LYRM4: variants seen among roughly 807,000 people sequenced by gnomAD.
The protein encoded by LYRM4 is LYR motif containing 4, also known as LYR motif-containing protein 4.
Under a neutral mutation model 11.7 loss-of-function variants are expected in LYRM4, and 9 were observed. That is an observed-to-expected ratio of 0.77 (90% CI 0.46 to 1.34). The LOEUF (loss-of-function observed/expected upper bound fraction) is 1.34. LYRM4 is among the 40% of genes most tolerant of loss of function. The probability of loss-of-function intolerance (pLI) is 0.00; values close to 1 mark genes in which losing one functional copy is unlikely to be tolerated. For missense variants in LYRM4, 133 were observed against 112.5 expected (o/e 1.18, Z -0.82); for synonymous variants, 42 against 40.4 (o/e 1.04, Z -0.15).
the LYRM4 span, among the ~76,000 whole-genome samples, chr6:5,036,852 C>T: frequency 1.3e-5 from 2 of 152,148 alleles, no homozygotes; most frequent in Non-Finnish European, 2.9e-5. Flanking sequence ...CAAGTTATAC[C>T]ACTGGGAGCT....
chr6:5,103,625 G>A (rs1325184239), downstream of LYRM4: 1 of 126,736 alleles, frequency 7.9e-6, no homozygotes, highest in Non-Finnish European at 1.6e-5. Flanking sequence ...TTCAATATCT[G>A]AGATATTTTT....
chr6:5,101,222 C>T (rs1300241087), downstream of LYRM4, among the ~76,000 whole-genome samples: 1 of 152,192 alleles, frequency 6.6e-6, no homozygotes, highest in Non-Finnish European at 1.5e-5. Flanking sequence ...CCTATTTTAT[C>T]TGTGCCTCTC....
intron 2 of LYRM4, among the ~76,000 whole-genome samples, chr6:5,198,316 T>C (rs1761189773): frequency 6.6e-6 from 1 of 152,132 alleles, no homozygotes. Flanking sequence ...GGCCTATATT[T>C]TGCATGAAAA....
Position 5,109,073 on chromosome 6 carries a change from C to T in LYRM4, c.*350G>A. The T allele has an allele frequency of 9.4e-7, 1 of 1,062,300 alleles. No individual in the cohort carries two copies. The highest frequency in any genetic ancestry group is 1.6e-5 in the African/African-American group (1 of 60,790). The allele number at this position is 1,062,300 out of a possible 1,614,324, so 65.8% of individuals were successfully genotyped here. On this transcript the variant is annotated 3_prime_UTR_variant, in exon 3 of 3. Coordinates refer to ENST00000330636, the MANE Select transcript of LYRM4 (RefSeq NM_020408.6). ...AGGGGTTTATCTGGGGTCAAAGGCT[C>T]AGGGAGATCATTCTTTTTATTGCCA...
At chr6:5,237,625 TA>T (rs1047039672) in intron 1 of LYRM4, among the ~76,000 whole-genome samples, 2 of 152,060 alleles carry the variant, frequency 1.3e-5, no homozygotes, top group Non-Finnish European at 2.9e-5. Context: ...ACCACTGGTT[TA>T]AAATGTATGA....
chr6:5,170,728 C>G (rs1759380008), intron 2 of LYRM4, among the ~76,000 whole-genome samples: 1 of 152,140 alleles, frequency 6.6e-6, no homozygotes, highest in African/African-American at 2.4e-5. Flanking sequence ...AAACACACAC[C>G]CTTTTCTCCC....
intron 2 of LYRM4, among the ~76,000 whole-genome samples, chr6:5,151,426 C>A (rs1359094676): frequency 2.6e-5 from 4 of 152,140 alleles, no homozygotes; most frequent in African/African-American, 9.7e-5. Flanking sequence ...CTGCCTGGCC[C>A]ATCTCCCTTT....
intron 2 of LYRM4, among the ~76,000 whole-genome samples, chr6:5,181,090 C>A (rs1350263230): frequency 6.6e-6 from 1 of 152,074 alleles, no homozygotes; most frequent in African/African-American, 2.4e-5. Flanking sequence ...AATTTTCACG[C>A]CAAATAAACA....
At chr6:5,250,719 ACAAAC>A (rs1764390175) in intron 1 of LYRM4, among the ~76,000 whole-genome samples, 1 of 140,920 alleles carries the variant, frequency 7.1e-6, no homozygotes, top group African/African-American at 2.8e-5. Context: ...TAAATTCAGA[ACAAAC>A]GTAAGAACTG....
intron 2 of LYRM4, among the ~76,000 whole-genome samples, chr6:5,183,307 T>G (rs1760187252): frequency 6.6e-6 from 1 of 152,210 alleles, no homozygotes; most frequent in Non-Finnish European, 1.5e-5. Flanking sequence ...ATCCTTCATC[T>G]GCTGTGGGAG....
chr6:5,157,146 T>C (rs1266920785), intron 2 of LYRM4, among the ~76,000 whole-genome samples: 1 of 152,206 alleles, frequency 6.6e-6, no homozygotes, highest in African/African-American at 2.4e-5. Flanking sequence ...TACAATCATA[T>C]GAATATTTGC....
At chr6:5,038,914 GAGGGAGAGGGAGAGGGAGAGCTTT>G in the LYRM4 span, among the ~76,000 whole-genome samples, 2 of 137,800 alleles carry the variant, frequency 1.5e-5, no homozygotes, top group Non-Finnish European at 1.6e-5. Flanking sequence ...GGGAGAGGGA[GAGGGAGAGGGAGAGGGAGAGCTTT>G]AGCTTGTATT....
At chr6:5,113,735 CTT>C (rs10708540) in intron 2 of LYRM4, among the ~76,000 whole-genome samples, 105,902 of 147,808 alleles carry the variant, frequency 0.72, 38,045 homozygotes, top group East Asian at 0.93. Context: ...TTCTCTCTCT[CTT>C]TTTTTTTTTT....
At chr6:5,079,961 G>T in the LYRM4 span, among the ~76,000 whole-genome samples, 4 of 152,182 alleles carry the variant, frequency 2.6e-5, no homozygotes, top group African/African-American at 9.7e-5. Flanking sequence ...ATTTCTGACT[G>T]GAATACTTCC....
intron 2 of LYRM4, among the ~76,000 whole-genome samples, chr6:5,128,818 T>C (rs1763812038): frequency 6.6e-6 from 1 of 152,204 alleles, no homozygotes; most frequent in African/African-American, 2.4e-5. Context: ...TGAGGCCCCA[T>C]GTCACCTGCA....
chr6:5,082,012 C>A, the LYRM4 span, among the ~76,000 whole-genome samples: 109,259 of 152,154 alleles, frequency 0.72, 40,982 homozygotes, highest in East Asian at 0.9. Context: ...CCATGCCCAT[C>A]GCACACTCTG....
intron 2 of LYRM4, among the ~76,000 whole-genome samples, chr6:5,110,973 G>A (rs1762855304): frequency 6.6e-6 from 1 of 152,158 alleles, no homozygotes; most frequent in African/African-American, 2.4e-5. Flanking sequence ...TTTCTCAGGG[G>A]CTACGGTACA....
Position 5,212,907 on chromosome 6 carries a change from G to A in LYRM4, c.207+3711C>T, listed in dbSNP as rs75277038. On this transcript the variant is annotated intron_variant, in intron 2 of 2. Coordinates refer to ENST00000330636, the MANE Select transcript of LYRM4 (RefSeq NM_020408.6). ...GACTTGCTTATCATGAAAGAAAAAC[G>A]AGCTGCCACTTCTTGGAATGAGAGT... 6.3e-3 allele frequency among the ~76,000 whole-genome samples: 956 copies of A among 152,266 alleles called. 12 individuals are homozygous for A. The highest frequency in any genetic ancestry group is 0.044 in the South Asian group (213 of 4,828).
At chr6:5,129,043 G>T (rs1335895321) in intron 2 of LYRM4, among the ~76,000 whole-genome samples, 2 of 152,202 alleles carry the variant, frequency 1.3e-5, no homozygotes, top group African/African-American at 2.4e-5. Flanking sequence ...CTGTCCCTGA[G>T]GGCTTAGAGG....
Sources: allele counts gnomAD v4.1 joint callset (sites outside exome capture counted in the v4.1 genomes callset), GRCh38; gene constraint gnomAD v4.1.1; transcripts MANE v1.5; gene names NCBI Gene and HGNC (gene_info 2026-07-23, HGNC 2026-07-21).